MEI4: variants seen among roughly 807,000 people sequenced by gnomAD.
The protein encoded by MEI4 is meiosis-specific protein MEI4.
Under a neutral mutation model 31.4 loss-of-function variants are expected in MEI4, and 27 were observed. The observed-to-expected ratio is 0.86, with a 90% CI of 0.63 to 1.19. The LOEUF (loss-of-function observed/expected upper bound fraction) is 1.19, where lower values mean the gene tolerates loss of function less well. MEI4 is among the 50% of genes most tolerant of loss of function. The pLI is 0.00. For missense variants in MEI4, 329 were observed against 398.9 expected (o/e 0.82, Z 1.49); for synonymous variants, 122 against 145.4 (o/e 0.84, Z 1.16).
chr6:77,926,535 T>G lies in MEI4; in HGVS notation c.*3189T>G, dbSNP rs527428856. ...GCCTTGTACTTTTTAATGGTATTTG[T>G]TGTCTTTTAGCCAAGGTCAGCATAT... On this transcript the variant is annotated 3_prime_UTR_variant, in exon 5 of 5. Coordinates refer to ENST00000684080, the MANE Select transcript of MEI4 (RefSeq NM_001322247.2). The G allele has an allele frequency of 1.3e-5, 2 of 151,942 alleles. No homozygotes were observed. The highest frequency in any genetic ancestry group is 6.6e-5 in the Admixed American group (1 of 15,190). The allele number at this position is 151,942 out of a possible 1,614,324, so 9.4% of individuals were successfully genotyped here. A position where few individuals can be genotyped will look rare whatever the true frequency, so the allele number is the denominator to read the frequency against.
intron 3 of MEI4, among the ~76,000 whole-genome samples, chr6:77,770,487 T>C (rs970052195): frequency 6.6e-6 from 1 of 151,920 alleles, no homozygotes; most frequent in Non-Finnish European, 1.5e-5. Flanking sequence ...ACCAATCTTA[T>C]TCTTCACAAA....
At chr6:77,711,977 A>T (rs1766475965) in intron 2 of MEI4, among the ~76,000 whole-genome samples, 1 of 152,156 alleles carries the variant, frequency 6.6e-6, no homozygotes, top group South Asian at 2.1e-4. Flanking sequence ...GAAGCCCATG[A>T]TTAGTTAAAA....
At chr6:77,865,821 A>G (rs1309146673) in intron 4 of MEI4, among the ~76,000 whole-genome samples, 1 of 152,220 alleles carries the variant, frequency 6.6e-6, no homozygotes, top group African/African-American at 2.4e-5. Flanking sequence ...ATTGATGCAA[A>G]AATCCTCAAT....
At chr6:77,665,686 C>T (rs189710348) in intron 1 of MEI4, among the ~76,000 whole-genome samples, 37 of 152,256 alleles carry the variant, frequency 2.4e-4, no homozygotes, top group African/African-American at 6.5e-4. Flanking sequence ...AGTCCGTGAC[C>T]GGCGCCGGAG....
intron 2 of MEI4, among the ~76,000 whole-genome samples, chr6:77,727,652 T>C (rs1451555753): frequency 1.3e-5 from 2 of 152,248 alleles, no homozygotes; most frequent in Non-Finnish European, 2.9e-5. Flanking sequence ...AGAAAATAAA[T>C]TATTTGATTC....
chr6:77,829,129 C>T, intron 4 of MEI4, 67 bp downstream of exon 4: 1 of 1,127,142 alleles, frequency 8.9e-7, no homozygotes, highest in Non-Finnish European at 1.1e-6. Flanking sequence ...TCTTTCTTTT[C>T]CCTTCTTTCT....
chr6:77,798,647 C>G (rs1769155333), intron 3 of MEI4, among the ~76,000 whole-genome samples: 1 of 116,820 alleles, frequency 8.6e-6, no homozygotes, highest in Admixed American at 1.0e-4. Context: ...CCCCCCTCCC[C>G]CCACCCCACA....
At chr6:77,894,046 A>T (rs1007585601) in intron 4 of MEI4, among the ~76,000 whole-genome samples, 7 of 152,168 alleles carry the variant, frequency 4.6e-5, no homozygotes, top group African/African-American at 1.7e-4. Context: ...GTGGAAAAAA[A>T]TTTCTCTAGA....
intron 1 of MEI4, among the ~76,000 whole-genome samples, chr6:77,653,944 A>G (rs1768343105): frequency 1.3e-5 from 2 of 152,222 alleles, no homozygotes; most frequent in Non-Finnish European, 2.9e-5. Context: ...TATTTGGAGC[A>G]AGGCTTGGCA....
Position 77,653,047 on chromosome 6 carries a change from G to A in MEI4, c.-60G>A, listed in dbSNP as rs1040944258. Among the ~76,000 whole-genome samples the A allele has an allele frequency of 6.6e-5, 10 of 152,134 alleles. No individual in the cohort carries two copies. Among genetic ancestry groups the A allele is most frequent in the East Asian group, 3.9e-4 (2 of 5,184 alleles). ...TCAGCCCTCCCACCCCTGATGAGGC[G>A]TTCTCTTGCCCTGTTATCATCTCAT... On this transcript the variant is annotated 5_prime_UTR_variant, in exon 1 of 5. Transcript: ENST00000684080.
rs1766779919 is a variant in MEI4, at chr6:77,923,981, TC to T, written c.*636del. 2 of 151,672 alleles carry T rather than the reference TC, an allele frequency of 1.3e-5. No homozygotes were observed. The highest frequency in any genetic ancestry group is 3.0e-5 in the Non-Finnish European group (2 of 67,792). 9.4% of individuals were successfully genotyped at this position (151,672 alleles called of 1,614,324 possible). On this transcript the variant is annotated 3_prime_UTR_variant, in exon 5 of 5. Transcript: ENST00000684080. ...AGTTGTTTAAAATGTTCTTTGTTTT[TC>T]AACAAATACTTGTTTCAATTCTGTT... is the stretch of plus-strand genomic sequence containing the variant.
At chr6:77,881,423 A>G (rs1771487761) in intron 4 of MEI4, among the ~76,000 whole-genome samples, 1 of 152,244 alleles carries the variant, frequency 6.6e-6, no homozygotes, top group African/African-American at 2.4e-5. Flanking sequence ...ATACAGATGT[A>G]TCGCAAAAGA....
intron 3 of MEI4, among the ~76,000 whole-genome samples, chr6:77,809,968 A>G (rs527485851): frequency 6.6e-5 from 10 of 152,314 alleles, no homozygotes; most frequent in Admixed American, 2.0e-4. Context: ...TATGCTATGA[A>G]AAAAATAATT....
At chr6:77,794,167 A>G (rs2127697314) in intron 3 of MEI4, among the ~76,000 whole-genome samples, 1 of 152,334 alleles carries the variant, frequency 6.6e-6, no homozygotes, top group African/African-American at 2.4e-5. Context: ...TACATCAGAC[A>G]AAAGAATCTT....
At chr6:77,882,495 G>T (rs1249283181) in intron 4 of MEI4, among the ~76,000 whole-genome samples, 1 of 152,126 alleles carries the variant, frequency 6.6e-6, no homozygotes, top group Non-Finnish European at 1.5e-5. Flanking sequence ...GAGTTGCATG[G>T]TTTTTTTCTA....
intron 3 of MEI4, among the ~76,000 whole-genome samples, chr6:77,814,614 T>C (rs1769648503): frequency 6.6e-6 from 1 of 152,118 alleles, no homozygotes; most frequent in Non-Finnish European, 1.5e-5. Context: ...TTTCCTTTTG[T>C]TCCTAAAACG....
intron 3 of MEI4, among the ~76,000 whole-genome samples, chr6:77,827,360 TAAAAAAAAAAAAAAA>T (rs57446339): frequency 1.5e-5 from 1 of 67,776 alleles, no homozygotes; most frequent in African/African-American, 6.3e-5. Flanking sequence ...GACTCCATCT[TAAAAAAAAAAAAAAA>T]AAAAAAAAAA....
intron 4 of MEI4, among the ~76,000 whole-genome samples, chr6:77,892,697 T>C (rs1297383579): frequency 8.5e-5 from 13 of 152,168 alleles, no homozygotes. Flanking sequence ...GCTTGAGAAC[T>C]AGCCCCTCCA....
intron 3 of MEI4, among the ~76,000 whole-genome samples, chr6:77,767,997 T>C (rs1404911307): frequency 6.6e-6 from 1 of 152,214 alleles, no homozygotes; most frequent in Non-Finnish European, 1.5e-5. Flanking sequence ...CCTATTATGC[T>C]TTATAGTTTA....
Sources: gnomAD v4.1 joint callset for allele counts (sites outside exome capture counted in the v4.1 genomes callset) on GRCh38, gnomAD v4.1.1 for gene constraint, MANE v1.5 for transcripts, NCBI Gene and HGNC (gene_info 2026-07-23, HGNC 2026-07-21) for gene names.